NRXN1: variants seen among roughly 807,000 people sequenced by gnomAD.
NRXN1 encodes neurexin-1.
NRXN1 carries 39 observed loss-of-function variants against 150.9 expected under a neutral mutation model. That is an observed-to-expected ratio of 0.26 (90% CI 0.20 to 0.34). The LOEUF (loss-of-function observed/expected upper bound fraction) is 0.34, where lower values mean the gene tolerates loss of function less well. Among genes scored for constraint, NRXN1 ranks in the 10% least tolerant of loss-of-function variants. The pLI is 1.00. For missense variants in NRXN1, 1,815 were observed against 1,949.9 expected, an observed-to-expected ratio of 0.93 and a Z score of 1.30; for synonymous variants, 924 against 757.0, an observed-to-expected ratio of 1.22 and a Z score of -3.62.
intron 5 of NRXN1, among the ~76,000 whole-genome samples, chr2:50,753,387 A>G (rs908202298): frequency 4.6e-5 from 7 of 151,888 alleles, no homozygotes; most frequent in African/African-American, 1.2e-4. Context: ...GGCTCCTAGC[A>G]AAAACAAATG....
intron 17 of NRXN1, among the ~76,000 whole-genome samples, chr2:50,415,045 T>A (rs2083440781): frequency 6.6e-6 from 1 of 152,116 alleles, no homozygotes. Flanking sequence ...ATCAGGCACA[T>A]TAAACATAGT....
intron 18 of NRXN1, among the ~76,000 whole-genome samples, chr2:50,157,784 G>A (rs1206350939): frequency 6.6e-6 from 1 of 152,002 alleles, no homozygotes; most frequent in Admixed American, 6.6e-5. Flanking sequence ...CTCTTTTAAA[G>A]TGGCACTCTG....
chr2:51,006,777 G>A (rs1005633139), intron 2 of NRXN1, among the ~76,000 whole-genome samples: 5 of 152,008 alleles, frequency 3.3e-5, no homozygotes, highest in Non-Finnish European at 5.9e-5. Context: ...AAATGAGTAA[G>A]TGTCTTTTTG....
chr2:50,775,451 C>G (rs1326105413), intron 5 of NRXN1, among the ~76,000 whole-genome samples: 1 of 152,090 alleles, frequency 6.6e-6, no homozygotes, highest in African/African-American at 2.4e-5. Flanking sequence ...CTGCTATGTT[C>G]TATTATGATC....
chr2:50,254,273 T>A (rs773505188), intron 17 of NRXN1, among the ~76,000 whole-genome samples: 1 of 150,412 alleles, frequency 6.6e-6, no homozygotes, highest in Non-Finnish European at 1.5e-5. Context: ...CCCTTTATCA[T>A]TTTTTATTGT....
At chr2:50,584,375 C>A (rs1327670905) in intron 8 of NRXN1, among the ~76,000 whole-genome samples, 5 of 152,142 alleles carry the variant, frequency 3.3e-5, no homozygotes, top group Non-Finnish European at 7.4e-5. Flanking sequence ...ACTTTTCTTC[C>A]ATGCACCCCA....
At chr2:51,014,995 G>GT (rs1442787272) in intron 2 of NRXN1, among the ~76,000 whole-genome samples, 2 of 152,032 alleles carry the variant, frequency 1.3e-5, no homozygotes, top group Non-Finnish European at 2.9e-5. Flanking sequence ...AGACAATTAC[G>GT]TATTTATTCT....
At position 49,957,873 on chromosome 2, in the gene NRXN1, C is replaced by T. The variant is rs567995738; in HGVS notation, c.4129-14082G>A. 2.2e-4 allele frequency among the ~76,000 whole-genome samples: 34 copies of T among 152,256 alleles called. No homozygotes were observed. The South Asian group carries it at 7.0e-3, about 32-fold the overall frequency. On this transcript the variant is annotated intron_variant, in intron 21 of 22. Coordinates refer to ENST00000401669, the MANE Select transcript of NRXN1 (RefSeq NM_001330078.2). The stretch of plus-strand genomic sequence containing the variant: ...CCATCCAGTTGGCGTCTTGCTCCTT[C>T]TACTCCTCCTAGTTTCATGTTTGGG...
chr2:50,679,622 T>C (rs1196012912), intron 5 of NRXN1, among the ~76,000 whole-genome samples: 1 of 151,936 alleles, frequency 6.6e-6, no homozygotes, highest in African/African-American at 2.4e-5. Context: ...GCAAAATAAA[T>C]TCCCTTACTG....
intron 17 of NRXN1, among the ~76,000 whole-genome samples, chr2:50,299,022 TC>T (rs1451967452): frequency 6.6e-6 from 1 of 152,128 alleles, no homozygotes; most frequent in Non-Finnish European, 1.5e-5. Flanking sequence ...GAAAATGCCA[TC>T]CTTTTATTAT....
intron 8 of NRXN1, among the ~76,000 whole-genome samples, chr2:50,614,994 C>T (rs1051556202): frequency 2.6e-5 from 4 of 152,042 alleles, no homozygotes; most frequent in African/African-American, 9.7e-5. Flanking sequence ...ATCATTTTTT[C>T]CTCAAGGAAA....
rs367659960 is a variant in NRXN1, at chr2:50,679,360, AAAG to A, written c.833-55748_833-55746del. Among the ~76,000 whole-genome samples the A allele has an allele frequency of 4.3e-3, 661 of 152,288 alleles. 7 individuals carry two copies. The highest frequency in any genetic ancestry group is 0.015 in the African/African-American group (634 of 41,566). On this transcript the variant is annotated intron_variant, in intron 5 of 22. Transcript: ENST00000401669. ...GCAGACAAACAGGCTACTCAGAATC[AAAG>A]AAGAACACCAAGAAGTAATGTTGTC...
intron 2 of NRXN1, among the ~76,000 whole-genome samples, chr2:50,970,480 G>A (rs1315263306): frequency 8.6e-5 from 13 of 151,980 alleles, no homozygotes; most frequent in Admixed American, 5.9e-4. Context: ...GAGTTCCAAG[G>A]TACAGCAAAA....
intron 5 of NRXN1, among the ~76,000 whole-genome samples, chr2:50,910,931 G>C (rs1398860870): frequency 6.6e-6 from 1 of 151,610 alleles, no homozygotes; most frequent in Non-Finnish European, 1.5e-5. Flanking sequence ...GCTAACTCAA[G>C]GGCTGGACAA....
Position 49,930,086 on chromosome 2 carries a change from G to A in NRXN1, c.4217-7835C>T, listed in dbSNP as rs534505153. Among the ~76,000 whole-genome samples the A allele has an allele frequency of 2.0e-5, 3 of 152,102 alleles. No homozygotes were observed. In the South Asian group the frequency reaches 6.2e-4, roughly 32 times the overall value. On this transcript the variant is annotated intron_variant, in intron 22 of 22. Transcript: ENST00000401669. ...TAGAGAAGTCTACGAAAAACATGTC[G>A]AATGACCTTGAGGAAACAAAGTTTA...
At chr2:50,829,913 T>G (rs1444903573) in intron 5 of NRXN1, among the ~76,000 whole-genome samples, 1 of 146,946 alleles carries the variant, frequency 6.8e-6, no homozygotes, top group Non-Finnish European at 1.5e-5. Flanking sequence ...CTTCTCAGCC[T>G]GCCCTTAGCA....
At chr2:50,225,676 A>G (rs1036626859) in intron 18 of NRXN1, among the ~76,000 whole-genome samples, 1 of 151,956 alleles carries the variant, frequency 6.6e-6, no homozygotes, top group Non-Finnish European at 1.5e-5. Context: ...GGAGTACTTT[A>G]AAGAAAGGAA....
At chr2:51,006,205 C>A (rs369994156) in intron 2 of NRXN1, among the ~76,000 whole-genome samples, 1 of 151,720 alleles carries the variant, frequency 6.6e-6, no homozygotes, top group Non-Finnish European at 1.5e-5. Flanking sequence ...TAAGACCTAC[C>A]TATGCAGCCA....
chr2:50,962,367 C>T (rs1476850274), intron 2 of NRXN1, among the ~76,000 whole-genome samples: 2 of 151,662 alleles, frequency 1.3e-5, no homozygotes, highest in Admixed American at 6.6e-5. Context: ...AGTTGCTAGG[C>T]AAGTTCTATG....
Sources: allele counts gnomAD v4.1 joint callset (sites outside exome capture counted in the v4.1 genomes callset), GRCh38; gene constraint gnomAD v4.1.1; transcripts MANE v1.5; gene names NCBI Gene and HGNC (gene_info 2026-07-23, HGNC 2026-07-21).